Variants in TLCD4 observed in about 807,000 individuals in gnomAD.
TLCD4 encodes the protein TLC domain-containing protein 4.
In TLCD4, 7 loss-of-function variants were observed where a neutral mutation model predicts 24.2. The ratio of observed to expected loss-of-function variants is 0.29; its 90% confidence interval spans 0.16 to 0.54. The LOEUF is 0.54. Ranked by LOEUF, TLCD4 falls within the 20% of genes least tolerant of loss-of-function variation. TLCD4 has a pLI of 0.95. For missense variants in TLCD4, 259 were observed against 313.9 expected (o/e 0.82, Z 1.32); for synonymous variants, 103 against 106.4 (o/e 0.97, Z 0.20).
chr1:95,100,103 T>C, the TLCD4 span, among the ~76,000 whole-genome samples: 1 of 151,332 alleles, frequency 6.6e-6, no homozygotes, highest in Non-Finnish European at 1.5e-5. Flanking sequence ...AGACCCCATC[T>C]CAAAAAAAAT....
At chr1:95,097,484 T>C in the TLCD4 span, among the ~76,000 whole-genome samples, 4 of 152,222 alleles carry the variant, frequency 2.6e-5, no homozygotes, top group African/African-American at 9.6e-5. Flanking sequence ...CACAGTGAGA[T>C]ACTGGTTTGT....
At chr1:95,145,162 T>G (rs1677311556) in intron 2 of TLCD4, among the ~76,000 whole-genome samples, 1 of 152,226 alleles carries the variant, frequency 6.6e-6, no homozygotes, top group Non-Finnish European at 1.5e-5. Context: ...AGCCGTGGCC[T>G]TATTTTTTGT....
the TLCD4 span, among the ~76,000 whole-genome samples, chr1:95,093,698 A>C: frequency 1.3e-5 from 2 of 152,206 alleles, no homozygotes; most frequent in African/African-American, 2.4e-5. Context: ...TATTACCTGC[A>C]TATTGACAAT....
the TLCD4 span, among the ~76,000 whole-genome samples, chr1:95,107,675 C>T: frequency 1.3e-5 from 2 of 151,920 alleles, no homozygotes; most frequent in African/African-American, 2.4e-5. Flanking sequence ...TTTTAAAAAT[C>T]GTACATAGGA....
chr1:95,144,584 A>T (rs1302970266), intron 2 of TLCD4, among the ~76,000 whole-genome samples: 1 of 150,856 alleles, frequency 6.6e-6, no homozygotes, highest in Non-Finnish European at 1.5e-5. Context: ...TAAAGTAAAA[A>T]TTTCTTTTTA....
intron 5 of TLCD4, among the ~76,000 whole-genome samples, chr1:95,173,537 A>T (rs1678308642): frequency 6.6e-6 from 1 of 152,242 alleles, no homozygotes; most frequent in African/African-American, 2.4e-5. Context: ...GTTTAACGTG[A>T]CACAACTGCT....
At chr1:95,171,616 C>T (rs1478249859) in intron 5 of TLCD4, among the ~76,000 whole-genome samples, 1 of 152,074 alleles carries the variant, frequency 6.6e-6, no homozygotes, top group African/African-American at 2.4e-5. Flanking sequence ...TCCCAGACAT[C>T]ACTGAGAAGG....
At chr1:95,103,047 T>G in the TLCD4 span, among the ~76,000 whole-genome samples, 1 of 152,154 alleles carries the variant, frequency 6.6e-6, no homozygotes, top group African/African-American at 2.4e-5. Flanking sequence ...GGCACGATCT[T>G]GGCTCACTGC....
chr1:95,146,600 T>C (rs1411710506), intron 2 of TLCD4, among the ~76,000 whole-genome samples: 1 of 152,160 alleles, frequency 6.6e-6, no homozygotes, highest in African/African-American at 2.4e-5. Context: ...TCTTTTTAGA[T>C]ACTAAGGAAT....
chr1:95,156,053 A>C (rs1677626578), intron 5 of TLCD4, among the ~76,000 whole-genome samples: 1 of 152,160 alleles, frequency 6.6e-6, no homozygotes, highest in African/African-American at 2.4e-5. Flanking sequence ...GAGTTTGTAG[A>C]AATACTGGGC....
At chr1:95,129,539 C>T (rs1228655077) in intron 1 of TLCD4, among the ~76,000 whole-genome samples, 2 of 152,104 alleles carry the variant, frequency 1.3e-5, no homozygotes, top group Non-Finnish European at 2.9e-5. Context: ...GTCAAGAGTT[C>T]GAGACCAACC....
At chr1:95,135,956 A>G (rs965620265) in intron 1 of TLCD4, among the ~76,000 whole-genome samples, 1 of 152,096 alleles carries the variant, frequency 6.6e-6, no homozygotes, top group Admixed American at 6.5e-5. Context: ...TCTTGGGCTC[A>G]GGTGATCCGC....
chr1:95,176,920 G>A (rs1678450840), intron 6 of TLCD4, among the ~76,000 whole-genome samples: 1 of 152,116 alleles, frequency 6.6e-6, no homozygotes, highest in South Asian at 2.1e-4. Flanking sequence ...TGTAGTCTTG[G>A]TACCCTTGTC....
At position 95,135,366 on chromosome 1, in the gene TLCD4, A is replaced by G. The variant is rs543663585; in HGVS notation, c.-11-8525A>G. ...CTTGTGTCATTTTGAGTAATGCAGA[A>G]TAAGTTCCTGGTCTCATTTTTTTGT... is the stretch of plus-strand genomic sequence containing the variant. On this transcript the variant is annotated intron_variant, in intron 1 of 6. Coordinates refer to ENST00000370203, the MANE Select transcript of TLCD4 (RefSeq NM_152487.3). 5.9e-5 allele frequency among the ~76,000 whole-genome samples: 9 copies of G among 151,328 alleles called. No homozygotes were observed. In the South Asian group the frequency reaches 1.9e-3, roughly 32 times the overall value.
At chr1:95,103,793 AC>A in the TLCD4 span, among the ~76,000 whole-genome samples, 7 of 152,204 alleles carry the variant, frequency 4.6e-5, no homozygotes, top group Non-Finnish European at 1.0e-4. Context: ...CAGAATTTAC[AC>A]AATTGTTTTC....
At position 95,147,155 on chromosome 1, in the gene TLCD4, C is replaced by T. The variant is rs1221660655; in HGVS notation, c.156-1547C>T. Among the ~76,000 whole-genome samples the T allele has an allele frequency of 2.0e-5, 3 of 151,104 alleles. No individual in the cohort carries two copies. The East Asian group carries it at 5.9e-4, about 30-fold the overall frequency. On this transcript the variant is annotated intron_variant, in intron 2 of 6. Coordinates refer to ENST00000370203, the MANE Select transcript of TLCD4 (RefSeq NM_152487.3). Reference sequence around the variant, plus strand: ...GTGGTGCAATCTCCACTCACTGAAACCTTTGCCTCCCAGGTTCAAGTGATT... The same window carrying T: ...GTGGTGCAATCTCCACTCACTGAAATCTTTGCCTCCCAGGTTCAAGTGATT...
chr1:95,121,318 G>GT (rs1339355157), intron 1 of TLCD4: 1 of 152,220 alleles, frequency 6.6e-6, no homozygotes, highest in Non-Finnish European at 1.5e-5. Flanking sequence ...AGAGGGGCTA[G>GT]TAGTGCAGGG....
intron 5 of TLCD4, among the ~76,000 whole-genome samples, chr1:95,157,690 C>G (rs1303160946): frequency 6.6e-6 from 1 of 152,144 alleles, no homozygotes; most frequent in Non-Finnish European, 1.5e-5. Flanking sequence ...GGGAGAGTAT[C>G]TATATGTGGT....
the TLCD4 span, among the ~76,000 whole-genome samples, chr1:95,094,899 G>A: frequency 6.6e-6 from 1 of 152,184 alleles, no homozygotes; most frequent in African/African-American, 2.4e-5. Flanking sequence ...CCCACAGTAT[G>A]AGACCTGAGG....
Sources: allele counts gnomAD v4.1 joint callset (sites outside exome capture counted in the v4.1 genomes callset), GRCh38; gene constraint gnomAD v4.1.1; transcripts MANE v1.5; gene names NCBI Gene and HGNC (gene_info 2026-07-23, HGNC 2026-07-21).